The following SCAMP4 variants were observed in gnomAD, a reference collection of about 807,000 sequenced individuals.
SCAMP4 encodes the protein secretory carrier membrane protein 4.
Under a neutral mutation model 32.1 loss-of-function variants are expected in SCAMP4, and 19 were observed. The ratio of observed to expected loss-of-function variants is 0.59; its 90% confidence interval spans 0.41 to 0.87. The LOEUF is 0.87. Among genes scored for constraint, SCAMP4 ranks in the 40% least tolerant of loss-of-function variants. The pLI, the probability that SCAMP4 is intolerant of heterozygous loss-of-function variation, is 0.00. For synonymous variants in SCAMP4, 152 were observed against 132.7 expected (o/e 1.15, Z -1.00); for missense variants, 302 against 309.0 (o/e 0.98, Z 0.17).
At position 1,922,506 on chromosome 19, in the gene SCAMP4, A is replaced by G. The variant is rs537977152; in HGVS notation, c.396-564A>G. The G allele has an allele frequency of 2.0e-5, 20 of 981,656 alleles. No individual in the cohort carries two copies. In the Admixed American group the frequency reaches 9.8e-4, roughly 48 times the overall value. The allele number at this position is 981,656 out of a possible 1,614,324, so 60.8% of individuals were successfully genotyped here. On this transcript the variant is annotated intron_variant, in intron 5 of 6. Transcript: ENST00000316097. ...CGCCTCGGCCTCCCAAAGTGCTGGG[A>G]CGACAGGCGTAAGCCTCTGCGCCCG...
chr19:1,921,994 C>T (rs773862210), intron 5 of SCAMP4: 245 of 985,332 alleles, frequency 2.5e-4, no homozygotes, highest in Non-Finnish European at 2.8e-4. Flanking sequence ...CGGACACATC[C>T]GGGGGTGTGG....
chr19:1,915,644 G>A (rs2013707220), intron 2 of SCAMP4: 1 of 154,870 alleles, frequency 6.5e-6, no homozygotes, highest in African/African-American at 2.4e-5. Flanking sequence ...AGTGCCTGCT[G>A]TGTTTATAAG....
At position 1,924,222 on chromosome 19, in the gene SCAMP4, G is replaced by A. The variant is rs1419893262; in HGVS notation, c.628G>A (p.Gly210Ser). The A allele has an allele frequency of 2.5e-6, 4 of 1,607,932 alleles. No homozygotes were observed. The highest frequency in any genetic ancestry group is 3.4e-6 in the Non-Finnish European group (4 of 1,177,340). Residue 210 changes from glycine (G) to serine (S), a missense_variant, in exon 7 of 7, where the codon GGC becomes AGC. Gly to Ser is a moderately conservative substitution (Grantham distance 56). Transcript: ENST00000316097. ...GGAGGCCCAGTACAACAACTTCTCA[G>A]GCAACAGCCTGCCCGAGTACCCCAC... ...SREAQYNNFSGNSLPEYPTVP... is the reference protein window; with the variant it reads ...SREAQYNNFSSNSLPEYPTVP...
At position 1,921,099 on chromosome 19, in the gene SCAMP4, C is replaced by G. The variant is rs2013905825; in HGVS notation, c.396-1971C>G. ...GAAATCAAACCACAGCGCACAGCGA[C>G]TTCATGTCCACCGTTGGCTTAGTGA... is the stretch of plus-strand genomic sequence containing the variant. On this transcript the variant is annotated intron_variant, in intron 5 of 6. Transcript: ENST00000316097. The G allele has an allele frequency of 5.1e-6, 5 of 985,418 alleles. No individual in the cohort carries two copies. In the Middle Eastern group the frequency reaches 2.1e-3, roughly 412 times the overall value. The allele number at this position is 985,418 out of a possible 1,614,324, so 61.0% of individuals were successfully genotyped here. A position where few individuals can be genotyped will look rare whatever the true frequency, so the allele number is the denominator to read the frequency against.
chr19:1,924,497 C>T lies in SCAMP4; in HGVS notation c.*213C>T. The T allele has an allele frequency of 3.4e-6, 2 of 585,772 alleles. No individual in the cohort carries two copies. The highest frequency in any genetic ancestry group is 5.6e-5 in the East Asian group (2 of 35,408). The allele number at this position is 585,772 out of a possible 1,614,324, so 36.3% of individuals were successfully genotyped here. A position where few individuals can be genotyped will look rare whatever the true frequency, so the allele number is the denominator to read the frequency against. ...GGAGTTCCTCACAAGCACTCCCCAG[C>T]AGCCCTTGGCCTCTGCCGTCCACAG... is the stretch of plus-strand genomic sequence containing the variant. On this transcript the variant is annotated 3_prime_UTR_variant, in exon 7 of 7. Transcript: ENST00000316097.
intron 2 of SCAMP4, 101 bp downstream of exon 2, chr19:1,915,127 C>T (rs1648915149): frequency 1.4e-6 from 2 of 1,395,544 alleles, no homozygotes; most frequent in African/African-American, 1.4e-5. Context: ...CAAACAGTGT[C>T]CTCCTGGCCC....
At chr19:1,913,115 G>A in intron 1 of SCAMP4, 1 of 1,588,700 alleles carries the variant, frequency 6.3e-7, no homozygotes, top group African/African-American at 1.3e-5. Flanking sequence ...GCGGGGTGCT[G>A]GAGGAGCAGT....
intron 5 of SCAMP4, chr19:1,921,162 G>A (rs1353185293): frequency 6.1e-6 from 6 of 985,030 alleles, no homozygotes; most frequent in Non-Finnish European, 7.2e-6. Context: ...GGCGAGAGGG[G>A]ACAGCCCCGC....
chr19:1,913,231 C>T, intron 1 of SCAMP4: 1 of 1,447,826 alleles, frequency 6.9e-7, no homozygotes, highest in East Asian at 2.5e-5. Flanking sequence ...TCGATTTCTT[C>T]CGCACAAGCC....
intron 5 of SCAMP4, chr19:1,920,227 G>A (rs1032085360): frequency 6.1e-6 from 6 of 985,424 alleles, no homozygotes; most frequent in Non-Finnish European, 7.2e-6. Flanking sequence ...TTGGCACGGC[G>A]GGAGCTCCCC....
chr19:1,911,264 C>T (rs892533196), intron 1 of SCAMP4, among the ~76,000 whole-genome samples: 5 of 152,008 alleles, frequency 3.3e-5, no homozygotes, highest in Non-Finnish European at 5.9e-5. Context: ...CTTGAATTTC[C>T]GGCCTCAAGT....
intron 2 of SCAMP4, 24 bp downstream of exon 2, chr19:1,915,050 C>G (rs559679126): frequency 6.2e-7 from 1 of 1,613,658 alleles, no homozygotes; most frequent in East Asian, 2.2e-5. Context: ...GCCTGGGAGC[C>G]TCCAGCAGCG....
rs1261471511 is a variant in SCAMP4 at position 1,908,548 on chromosome 19, G to A, written c.-42+3109G>A. The A allele has an allele frequency of 1.7e-5, 8 of 471,046 alleles. No homozygotes were observed. Among genetic ancestry groups the A allele is most frequent in the Non-Finnish European group, 2.6e-5 (6 of 227,068 alleles). 29.2% of individuals were successfully genotyped at this position (471,046 alleles called of 1,614,324 possible). A position where few individuals can be genotyped will look rare whatever the true frequency, so the allele number is the denominator to read the frequency against. On this transcript the variant is annotated intron_variant, in intron 1 of 6. Coordinates refer to ENST00000316097, the MANE Select transcript of SCAMP4 (RefSeq NM_079834.4). The surrounding 1 kb of genome is among the most constrained non-coding windows in gnomAD (Gnocchi z 4.2). ...CCAGGCTGGCAGTTCAGGATCACCC[G>A]GCTGGAGTCATTTTAAGATCATCTG...
intron 2 of SCAMP4, chr19:1,915,413 C>T (rs1269723619): frequency 3.7e-6 from 1 of 269,230 alleles, no homozygotes; most frequent in Non-Finnish European, 7.2e-6. Flanking sequence ...CTGTCTGACT[C>T]CCCATCTGGC....
chr19:1,909,612 C>T (rs1195967636), intron 1 of SCAMP4, among the ~76,000 whole-genome samples: 3 of 143,174 alleles, frequency 2.1e-5, no homozygotes, highest in South Asian at 2.2e-4. Flanking sequence ...CCTGTGCCAG[C>T]GGCAGGGATG....
intron 1 of SCAMP4, chr19:1,913,013 C>T (rs371608602): frequency 7.8e-5 from 125 of 1,606,780 alleles, no homozygotes; most frequent in Non-Finnish European, 1.0e-4. Flanking sequence ...TCCTGCGCGT[C>T]TTCTACGGTG....
intron 5 of SCAMP4, chr19:1,920,232 C>T: frequency 1.0e-6 from 1 of 985,450 alleles, no homozygotes; most frequent in Non-Finnish European, 1.2e-6. Context: ...ACGGCGGGAG[C>T]TCCCCACGGG....
chr19:1,916,369 C>T (rs2013734256), intron 2 of SCAMP4, among the ~76,000 whole-genome samples: 1 of 152,198 alleles, frequency 6.6e-6, no homozygotes, highest in Non-Finnish European at 1.5e-5. Context: ...AGGAAGGCTC[C>T]TTCCCCGGAG....
chr19:1,915,160 T>TC, intron 2 of SCAMP4, 134 bp downstream of exon 2: 6 of 1,050,372 alleles, frequency 5.7e-6, no homozygotes, highest in Non-Finnish European at 8.7e-6. Flanking sequence ...ACTCCTCGGG[T>TC]CCCGTAGCCC....
Sources: gnomAD v4.1 joint callset for allele counts (sites outside exome capture counted in the v4.1 genomes callset) on GRCh38, gnomAD v4.1.1 for gene constraint, Gnocchi (gnomAD v3.1) non-coding constraint, MANE v1.5 for transcripts, NCBI Gene and HGNC (gene_info 2026-07-23, HGNC 2026-07-21) for gene names.